MVB12B: variants seen among roughly 807,000 people sequenced by gnomAD.
MVB12B encodes ESCRT-I complex subunit MVB12B.
MVB12B carries 16 observed loss-of-function variants against 41.6 expected under a neutral mutation model. That is an observed-to-expected ratio of 0.38 (90% CI 0.26 to 0.58). The LOEUF (loss-of-function observed/expected upper bound fraction) is 0.58, where lower values mean the gene tolerates loss of function less well. Among genes scored for constraint, MVB12B ranks in the 20% least tolerant of loss-of-function variants. The pLI is 0.62. For synonymous variants in MVB12B, 133 were observed against 139.7 expected, an observed-to-expected ratio of 0.95 and a Z score of 0.34; for missense variants, 274 against 380.2, an observed-to-expected ratio of 0.72 and a Z score of 2.32.
At chr9:126,420,997 C>T (rs370103207) in intron 6 of MVB12B, among the ~76,000 whole-genome samples, 1 of 152,194 alleles carries the variant, frequency 6.6e-6, no homozygotes, top group East Asian at 1.9e-4. Flanking sequence ...ACAGGTTAGG[C>T]TCCTGAGCTA....
In MVB12B at chr9:126,486,510, CT is replaced by C. The variant is rs2119213593; in HGVS notation, c.873+2479del. Among the ~76,000 whole-genome samples, 1 of 152,350 alleles carries C rather than the reference CT, an allele frequency of 6.6e-6. No individual in the cohort carries two copies. The highest frequency in any genetic ancestry group is 2.4e-5 in the African/African-American group (1 of 41,580). On this transcript the variant is annotated intron_variant, in intron 9 of 9. Coordinates refer to ENST00000361171, the MANE Select transcript of MVB12B (RefSeq NM_033446.3). This position sits in a 1 kb window ranked among gnomAD's most constrained non-coding sequence, Gnocchi z 4.7. ...ACCATGGGGTCACGGCAGAACCTGTCTCACGGGGTGCTTTGTGATGCCAAAT... is the reference window on the plus strand; with the variant it reads ...ACCATGGGGTCACGGCAGAACCTGTCCACGGGGTGCTTTGTGATGCCAAAT...
At chr9:126,463,749 G>A (rs1471670593) in intron 7 of MVB12B, among the ~76,000 whole-genome samples, 1 of 152,210 alleles carries the variant, frequency 6.6e-6, no homozygotes, top group Non-Finnish European at 1.5e-5. Context: ...CAGGTCCTGG[G>A]GATCTTGGTC....
intron 7 of MVB12B, among the ~76,000 whole-genome samples, chr9:126,423,494 G>A (rs980314243): frequency 6.6e-6 from 1 of 152,232 alleles, no homozygotes; most frequent in Non-Finnish European, 1.5e-5. Flanking sequence ...CACAGGGGAA[G>A]CCATTCAGAA....
Position 126,495,896 on chromosome 9 carries a change from A to T in MVB12B, c.874-7281A>T, listed in dbSNP as rs999381743. ...TCTGCATAGAGAAACAGACCAAATC[A>T]CTAGACTTAGACTCATTTTCATCAT... is the stretch of plus-strand genomic sequence containing the variant. On this transcript the variant is annotated intron_variant, in intron 9 of 9. Coordinates refer to ENST00000361171, the MANE Select transcript of MVB12B (RefSeq NM_033446.3). Among the ~76,000 whole-genome samples the T allele has an allele frequency of 9.9e-5, 15 of 152,254 alleles. No homozygotes were observed. In the East Asian group the frequency reaches 2.9e-3, roughly 29 times the overall value.
At chr9:126,360,262 C>T (rs1248942707) in intron 2 of MVB12B, among the ~76,000 whole-genome samples, 1 of 152,038 alleles carries the variant, frequency 6.6e-6, no homozygotes, top group Non-Finnish European at 1.5e-5. Context: ...GAATATATTC[C>T]GTGTGGTCAG....
At chr9:126,347,474 T>G (rs1179942830) in intron 2 of MVB12B, among the ~76,000 whole-genome samples, 1 of 152,242 alleles carries the variant, frequency 6.6e-6, no homozygotes, top group Non-Finnish European at 1.5e-5. Flanking sequence ...CAAAACGTAG[T>G]AGGAATTTCC....
chr9:126,369,842 G>A (rs970257399), intron 2 of MVB12B, among the ~76,000 whole-genome samples: 2 of 152,064 alleles, frequency 1.3e-5, no homozygotes, highest in Admixed American at 6.6e-5. Flanking sequence ...TAGTAGAGAC[G>A]GGGTTTCTTC....
chr9:126,495,252 G>A (rs1387810775), intron 9 of MVB12B, among the ~76,000 whole-genome samples: 1 of 151,936 alleles, frequency 6.6e-6, no homozygotes, highest in Non-Finnish European at 1.5e-5. Flanking sequence ...TTTATTCAGT[G>A]GCCAGGGCAT....
chr9:126,445,464 T>C (rs1315247237), intron 7 of MVB12B, among the ~76,000 whole-genome samples: 1 of 151,952 alleles, frequency 6.6e-6, no homozygotes, highest in African/African-American at 2.4e-5. Flanking sequence ...CCGCCACACC[T>C]GGCTAATTTT....
Position 126,391,145 on chromosome 9 carries a change from C to G in MVB12B, c.410-921C>G, listed in dbSNP as rs971872111. ...GCTCAGCAAGAATGGCCCAGCCAGA[C>G]TCTGGGCCTCACTATATGACAGCCT... On this transcript the variant is annotated intron_variant, in intron 4 of 9. Coordinates refer to ENST00000361171, the MANE Select transcript of MVB12B (RefSeq NM_033446.3). This position sits in a 1 kb window ranked among gnomAD's most constrained non-coding sequence, Gnocchi z 4.4. 6.6e-6 allele frequency among the ~76,000 whole-genome samples: 1 copy of G among 152,190 alleles called. No homozygotes were observed. The highest frequency in any genetic ancestry group is 2.4e-5 in the African/African-American group (1 of 41,446).
intron 6 of MVB12B, among the ~76,000 whole-genome samples, chr9:126,400,012 G>A (rs767292170): frequency 4.6e-5 from 7 of 152,212 alleles, no homozygotes; most frequent in Non-Finnish European, 7.3e-5. Context: ...GTGAAATGGC[G>A]GGGGTCGGAG....
chr9:126,370,319 G>A (rs930603462), intron 2 of MVB12B, among the ~76,000 whole-genome samples: 2 of 151,310 alleles, frequency 1.3e-5, no homozygotes, highest in South Asian at 4.2e-4. Context: ...TGCTGTGAAT[G>A]GTCTAGCACT....
rs1831089952 is a variant in MVB12B at position 126,395,622 on chromosome 9, G to C, written c.587G>C (p.Arg196Thr). ...GIWYRMGRVP[R>T]NHDSSQPTTP... is the part of the protein sequence containing the mutation. ...TGGTATCGAATGGGCAGAGTACCAA[G>C]AAATCATGACTCATCTCAACCCACA... is the stretch of plus-strand genomic sequence containing the variant. The change falls in exon 6 of 10, where the codon AGA becomes ACA. Residue 196 changes from arginine (R) to threonine (T), a missense_variant. Physicochemically the swap from Arg to Thr is moderately conservative, Grantham distance 71 (BLOSUM62 -1). Transcript: ENST00000361171. This position sits in a 1 kb window ranked among gnomAD's most constrained non-coding sequence, Gnocchi z 4.9. The C allele has an allele frequency of 6.2e-7, 1 of 1,614,182 alleles. No homozygotes were observed. The highest frequency in any genetic ancestry group is 8.5e-7 in the Non-Finnish European group (1 of 1,180,042).
intron 9 of MVB12B, among the ~76,000 whole-genome samples, chr9:126,493,391 C>G (rs1276752154): frequency 2.0e-5 from 3 of 152,114 alleles, no homozygotes; most frequent in African/African-American, 7.2e-5. Context: ...TTCCGTTCTG[C>G]TCTGTTATTC....
chr9:126,410,768 AC>A (rs1831622740), intron 6 of MVB12B, among the ~76,000 whole-genome samples: 1 of 152,030 alleles, frequency 6.6e-6, no homozygotes, highest in Non-Finnish European at 1.5e-5. Flanking sequence ...CTCCCCAGCC[AC>A]AGTCTTTTCT....
intron 7 of MVB12B, among the ~76,000 whole-genome samples, chr9:126,467,737 T>C (rs989505632): frequency 6.6e-6 from 1 of 152,260 alleles, no homozygotes. Context: ...AGGCTGGCTC[T>C]CATGCCCTTC....
At chr9:126,364,055 G>A (rs1414629849) in intron 2 of MVB12B, among the ~76,000 whole-genome samples, 1 of 152,202 alleles carries the variant, frequency 6.6e-6, no homozygotes, top group Non-Finnish European at 1.5e-5. Context: ...TTCTCCACCA[G>A]CACACACAGG....
chr9:126,417,272 A>G (rs2119076887), intron 6 of MVB12B, among the ~76,000 whole-genome samples: 1 of 152,342 alleles, frequency 6.6e-6, no homozygotes, highest in South Asian at 2.1e-4. Flanking sequence ...GCAGATCCCT[A>G]CTGAGCAGTT....
At chr9:126,456,505 T>A (rs1832988498) in intron 7 of MVB12B, among the ~76,000 whole-genome samples, 2 of 152,234 alleles carry the variant, frequency 1.3e-5, no homozygotes, top group Admixed American at 1.3e-4. Context: ...AAAAAAGAAT[T>A]GAGCCAAGCC....
Sources: allele counts gnomAD v4.1 joint callset (sites outside exome capture counted in the v4.1 genomes callset), GRCh38; gene constraint gnomAD v4.1.1; non-coding constraint Gnocchi (gnomAD v3.1); transcripts MANE v1.5; gene names NCBI Gene and HGNC (gene_info 2026-07-23, HGNC 2026-07-21).